Variants in C11orf65 observed in about 807,000 individuals in gnomAD.
C11orf65 encodes the protein protein MFI.
C11orf65 carries 38 observed loss-of-function variants against 35.3 expected under a neutral mutation model. That is an observed-to-expected ratio of 1.08 (90% CI 0.83 to 1.41). The LOEUF (loss-of-function observed/expected upper bound fraction) is 1.41. C11orf65 is among the 40% of genes most tolerant of loss of function. The probability of loss-of-function intolerance (pLI) is 0.00; values close to 1 mark genes in which losing one functional copy is unlikely to be tolerated. For missense variants in C11orf65, 370 were observed against 367.1 expected, an observed-to-expected ratio of 1.01 and a Z score of -0.06; for synonymous variants, 105 against 114.4, an observed-to-expected ratio of 0.92 and a Z score of 0.53.
In C11orf65 at chr11:108,405,544, CA is replaced by C. The variant is rs1565654879; in HGVS notation, c.444del (p.Asp149MetfsTer18). 4 of 1,612,976 alleles carry C rather than the reference CA, an allele frequency of 2.5e-6. No homozygotes were observed. The highest frequency in any genetic ancestry group is 3.4e-6 in the Non-Finnish European group (4 of 1,179,668). ...TTTTTGTCTTCCACCACCATACCAT[CA>C]GTAGATAGCCAAAACTATTGAGAAA... The part of the protein sequence containing the change: ...RPVSDTFWLS[T>X]DGMVVEDKKE... On this transcript the variant is annotated frameshift_variant, in exon 6 of 9. Transcript: ENST00000393084. LOFTEE classifies it high-confidence loss of function.
At chr11:108,379,551 C>T (rs1185974601), downstream of C11orf65, among the ~76,000 whole-genome samples, 2 of 151,548 alleles carry the variant, frequency 1.3e-5, no homozygotes, top group African/African-American at 4.9e-5. Flanking sequence ...GGGTGCAGCA[C>T]ACCAGCATGG....
intron 6 of C11orf65, chr11:108,309,207 C>A (rs1358658564): frequency 3.8e-6 from 2 of 532,620 alleles, no homozygotes; most frequent in Non-Finnish European, 6.7e-6. Flanking sequence ...AAAACAACAA[C>A]AACAAAAAAA....
In C11orf65 at chr11:108,335,713, T is replaced by C. The variant is rs963947989; in HGVS notation, c.227-421A>G. ...TGAAAGAATGGCAGTAGGTATTTAATTATTTGGGAGACTGTCAAGAGGTGC... is the reference window on the plus strand; with the variant it reads ...TGAAAGAATGGCAGTAGGTATTTAACTATTTGGGAGACTGTCAAGAGGTGC... On this transcript the variant is annotated intron_variant, in intron 2 of 3. Coordinates refer to the C11orf65 transcript ENST00000524755. 4.5e-5 allele frequency: 31 copies of C among 694,856 alleles called. 1 individual carries two copies. The highest frequency in any genetic ancestry group is 3.2e-4 in the Middle Eastern group (1 of 3,116). The allele number at this position is 694,856 out of a possible 1,614,324, so 43.0% of individuals were successfully genotyped here.
At chr11:108,452,534 A>G (rs377067236) in intron 2 of C11orf65, among the ~76,000 whole-genome samples, 2 of 152,064 alleles carry the variant, frequency 1.3e-5, no homozygotes, top group South Asian at 4.1e-4. Flanking sequence ...AAATAGGAAC[A>G]CTTTTACACT....
intron 2 of C11orf65, among the ~76,000 whole-genome samples, chr11:108,442,364 G>C (rs1192947124): frequency 6.6e-6 from 1 of 152,218 alleles, no homozygotes. Flanking sequence ...GTACCTGAAA[G>C]TGATGTGGAG....
chr11:108,354,115 G>C (rs2089590437), intron 2 of C11orf65, among the ~76,000 whole-genome samples: 1 of 149,322 alleles, frequency 6.7e-6, no homozygotes, highest in Non-Finnish European at 1.5e-5. Flanking sequence ...ACGGGTTAGA[G>C]ATTTGTATAG....
intron 2 of C11orf65, among the ~76,000 whole-genome samples, chr11:108,444,872 G>T (rs1179534278): frequency 6.6e-6 from 1 of 152,194 alleles, no homozygotes; most frequent in Admixed American, 6.5e-5. Context: ...AGGGGTGACA[G>T]ATGGCACCTG....
chr11:108,368,961 A>G, intron 2 of C11orf65: 1 of 189,190 alleles, frequency 5.3e-6, no homozygotes, highest in Non-Finnish European at 1.1e-5. Flanking sequence ...AAATATAGAG[A>G]TGTGTCCCAA....
intron 2 of C11orf65, among the ~76,000 whole-genome samples, chr11:108,375,518 C>T (rs970653303): frequency 1.3e-5 from 2 of 151,406 alleles, no homozygotes; most frequent in Non-Finnish European, 2.9e-5. Flanking sequence ...CCAGTACCAG[C>T]CACTGCAAAA....
intron 3 of C11orf65, among the ~76,000 whole-genome samples, chr11:108,334,810 G>A (rs146389789): frequency 2.0e-5 from 3 of 152,198 alleles, no homozygotes; most frequent in Non-Finnish European, 2.9e-5. Context: ...AGTTACGAGC[G>A]TGAGCCACCA....
At chr11:108,332,730 C>T (rs1263381786) in intron 3 of C11orf65, 1 of 1,602,756 alleles carries the variant, frequency 6.2e-7, no homozygotes, top group East Asian at 2.2e-5. Flanking sequence ...TGGGTAGTTC[C>T]TTATGTAATG....
At chr11:108,381,512 A>G (rs1366458807), downstream of C11orf65, among the ~76,000 whole-genome samples, 1 of 152,232 alleles carries the variant, frequency 6.6e-6, no homozygotes, top group African/African-American at 2.4e-5. Context: ...GAGCATTCCT[A>G]GCAAACTGAG....
intron 4 of C11orf65, 63 bp downstream of exon 4, chr11:108,407,033 C>T (rs757805389): frequency 1.3e-6 from 2 of 1,571,274 alleles, no homozygotes; most frequent in East Asian, 2.2e-5. Context: ...TGAAAAATTA[C>T]ATTGTTTCAA....
intron 2 of C11orf65, among the ~76,000 whole-genome samples, chr11:108,360,719 A>G (rs1426248295): frequency 7.0e-6 from 1 of 142,274 alleles, no homozygotes; most frequent in African/African-American, 2.6e-5. Flanking sequence ...CAATAGATGC[A>G]GAAAAAGCCT....
chr11:108,342,298 G>A (rs2087681112), intron 2 of C11orf65, among the ~76,000 whole-genome samples: 1 of 152,188 alleles, frequency 6.6e-6, no homozygotes, highest in African/African-American at 2.4e-5. Context: ...TTAATATGCA[G>A]ATTGGATAAC....
intron 2 of C11orf65, chr11:108,336,311 A>AAAG (rs375553417): frequency 5.7e-4 from 111 of 195,980 alleles, no homozygotes; most frequent in Admixed American, 8.1e-4. Context: ...CCCGTTTAAA[A>AAAG]AAGAAGAAGA....
downstream of C11orf65, chr11:108,329,004 G>T (rs1555121895): frequency 6.2e-7 from 1 of 1,602,098 alleles, no homozygotes; most frequent in Non-Finnish European, 8.6e-7. Context: ...ATTTAAATTG[G>T]TTGTGTTTTC....
At chr11:108,318,427 A>C (rs572986977) in intron 6 of C11orf65, among the ~76,000 whole-genome samples, 15 of 152,154 alleles carry the variant, frequency 9.9e-5, no homozygotes, top group African/African-American at 3.6e-4. Context: ...GTGGTGGCTC[A>C]CACCTGTAAT....
chr11:108,383,285 C>G, intron 8 of C11orf65, 110 bp from the exon 9 acceptor site: 1 of 924,630 alleles, frequency 1.1e-6, no homozygotes, highest in Non-Finnish European at 1.6e-6. Flanking sequence ...ATTCTTAAAG[C>G]AAATATCTTC....
Sources: allele counts gnomAD v4.1 joint callset (sites outside exome capture counted in the v4.1 genomes callset), GRCh38; gene constraint gnomAD v4.1.1; transcripts MANE v1.5; gene names NCBI Gene and HGNC (gene_info 2026-07-23, HGNC 2026-07-21).